The following PPP1R1C variants were observed in gnomAD, a reference collection of about 807,000 sequenced individuals.
PPP1R1C encodes protein phosphatase 1 regulatory subunit 1C.
Under a neutral mutation model 17.4 loss-of-function variants are expected in PPP1R1C, and 15 were observed. The ratio of observed to expected loss-of-function variants is 0.86; its 90% CI spans 0.58 to 1.33. The LOEUF (loss-of-function observed/expected upper bound fraction) is 1.33, where lower values mean the gene tolerates loss of function less well. PPP1R1C is among the 40% of genes most tolerant of loss of function. The pLI is 0.00. For synonymous variants in PPP1R1C, 35 were observed against 43.1 expected (o/e 0.81, Z 0.73); for missense variants, 143 against 130.0 (o/e 1.10, Z -0.48).
At chr2:182,049,272 A>G (rs1250303847) in intron 2 of PPP1R1C, among the ~76,000 whole-genome samples, 3 of 149,962 alleles carry the variant, frequency 2.0e-5, no homozygotes, top group Non-Finnish European at 3.0e-5. Flanking sequence ...GGAGGTTGCC[A>G]TGAGCCAAGA....
chr2:182,033,146 T>C (rs1431298938), intron 2 of PPP1R1C, among the ~76,000 whole-genome samples: 1 of 152,190 alleles, frequency 6.6e-6, no homozygotes, highest in Non-Finnish European at 1.5e-5. Context: ...TTAACTTTCT[T>C]GCAATTCTTT....
intron 4 of PPP1R1C, among the ~76,000 whole-genome samples, chr2:182,083,240 T>A (rs1171484688): frequency 6.6e-6 from 1 of 152,198 alleles, no homozygotes; most frequent in Non-Finnish European, 1.5e-5. Flanking sequence ...GAAAGTGAAT[T>A]TTTTCATATA....
chr2:182,095,992 C>T (rs1409971637), intron 4 of PPP1R1C, among the ~76,000 whole-genome samples: 2 of 130,740 alleles, frequency 1.5e-5, no homozygotes, highest in East Asian at 4.5e-4. Context: ...CACAAAAAAA[C>T]TCTAAAAAAA....
intron 1 of PPP1R1C, among the ~76,000 whole-genome samples, chr2:181,969,551 C>A (rs1684965595): frequency 6.6e-6 from 1 of 151,976 alleles, no homozygotes; most frequent in Non-Finnish European, 1.5e-5. Context: ...TATCCTAGAC[C>A]TTTGGGAGTT....
chr2:182,010,816 G>A (rs761492544), intron 2 of PPP1R1C, among the ~76,000 whole-genome samples: 2 of 151,804 alleles, frequency 1.3e-5, no homozygotes, highest in Admixed American at 6.6e-5. Context: ...AAATTTCTGA[G>A]GGTTTTTATC....
chr2:182,004,229 G>A (rs1389260831), intron 2 of PPP1R1C, among the ~76,000 whole-genome samples: 1 of 152,110 alleles, frequency 6.6e-6, no homozygotes, highest in Non-Finnish European at 1.5e-5. Context: ...AAAATTTGCA[G>A]GTATGTTTAA....
At chr2:181,971,512 A>G (rs1319860189) in intron 1 of PPP1R1C, among the ~76,000 whole-genome samples, 1 of 152,090 alleles carries the variant, frequency 6.6e-6, no homozygotes, top group African/African-American at 2.4e-5. Context: ...TTTTGGTGCT[A>G]CAAGCTGTGC....
At chr2:182,024,688 C>T (rs984916614) in intron 2 of PPP1R1C, among the ~76,000 whole-genome samples, 2 of 151,650 alleles carry the variant, frequency 1.3e-5, no homozygotes, top group African/African-American at 4.8e-5. Context: ...AACCTTGTTT[C>T]TACTAAAATA....
chr2:182,065,187 G>T (rs1317513774), intron 4 of PPP1R1C, among the ~76,000 whole-genome samples: 1 of 151,956 alleles, frequency 6.6e-6, no homozygotes, highest in Non-Finnish European at 1.5e-5. Flanking sequence ...ATCATTTGTG[G>T]TCATAAGTTA....
intron 2 of PPP1R1C, among the ~76,000 whole-genome samples, chr2:182,011,030 T>A (rs141788254): frequency 8.7e-4 from 133 of 152,258 alleles, no homozygotes; most frequent in African/African-American, 3.1e-3. Flanking sequence ...TTGCTAGTAT[T>A]TTGTTGAGAA....
At chr2:182,126,455 T>C (rs901599665) in intron 5 of PPP1R1C, among the ~76,000 whole-genome samples, 3 of 152,114 alleles carry the variant, frequency 2.0e-5, no homozygotes, top group African/African-American at 7.2e-5. Flanking sequence ...CAAAATTAAA[T>C]TGTTAGATTT....
chr2:181,988,543 C>T (rs1051348188), intron 2 of PPP1R1C, among the ~76,000 whole-genome samples: 2 of 152,102 alleles, frequency 1.3e-5, no homozygotes, highest in East Asian at 1.9e-4. Context: ...CTTATTGAAG[C>T]GGGGTGATTT....
chr2:181,983,486 A>G (rs1685229495), upstream of PPP1R1C, among the ~76,000 whole-genome samples: 1 of 152,246 alleles, frequency 6.6e-6, no homozygotes, highest in African/African-American at 2.4e-5. Flanking sequence ...AAAAATGTGC[A>G]CTTAATATTT....
At chr2:182,086,900 A>C (rs1315459235) in intron 4 of PPP1R1C, among the ~76,000 whole-genome samples, 1 of 151,384 alleles carries the variant, frequency 6.6e-6, no homozygotes, top group African/African-American at 2.4e-5. Context: ...TCTGTCCCCT[A>C]CCAGTATCTT....
At chr2:182,115,954 C>G (rs527336284) in intron 4 of PPP1R1C, among the ~76,000 whole-genome samples, 18 of 152,014 alleles carry the variant, frequency 1.2e-4, no homozygotes, top group African/African-American at 4.1e-4. Context: ...TTATAAGGTA[C>G]AAAAAAGTGT....
At chr2:182,032,152 G>A (rs924307862) in intron 2 of PPP1R1C, among the ~76,000 whole-genome samples, 1 of 152,226 alleles carries the variant, frequency 6.6e-6, no homozygotes, top group African/African-American at 2.4e-5. Context: ...CTTCTGAAAT[G>A]TTCATAGTTC....
chr2:181,999,247 C>T (rs751238886), intron 2 of PPP1R1C, among the ~76,000 whole-genome samples: 1 of 152,088 alleles, frequency 6.6e-6, no homozygotes, highest in Non-Finnish European at 1.5e-5. Context: ...AAAAGAAAAA[C>T]ATACCAACTC....
chr2:182,096,683 A>G (rs1384926836), intron 4 of PPP1R1C, among the ~76,000 whole-genome samples: 1 of 132,308 alleles, frequency 7.6e-6, no homozygotes. Context: ...CCTCCAGATG[A>G]TTAACATGGC....
intron 3 of PPP1R1C, among the ~76,000 whole-genome samples, chr2:182,062,503 C>T (rs1418188793): frequency 6.6e-6 from 1 of 152,096 alleles, no homozygotes; most frequent in Non-Finnish European, 1.5e-5. Flanking sequence ...CAATCATCCA[C>T]ATATTTAACA....
Sources: gnomAD v4.1 joint callset for allele counts (sites outside exome capture counted in the v4.1 genomes callset) on GRCh38, gnomAD v4.1.1 for gene constraint, MANE v1.5 for transcripts, NCBI Gene and HGNC (gene_info 2026-07-23, HGNC 2026-07-21) for gene names.